The following WDR75 variants were observed in gnomAD, a reference collection of about 807,000 sequenced individuals.
The protein encoded by WDR75 is WD repeat-containing protein 75.
In WDR75, 52 loss-of-function variants were observed where a neutral mutation model predicts 106.1. The observed-to-expected ratio is 0.49, with a 90% CI of 0.39 to 0.62. WDR75 has a LOEUF of 0.62. Ranked by LOEUF, WDR75 falls within the 20% of genes least tolerant of loss-of-function variation. The pLI, the probability that WDR75 is intolerant of heterozygous loss-of-function variation, is 0.00. For synonymous variants in WDR75, 333 were observed against 335.5 expected (o/e 0.99, Z 0.08); for missense variants, 905 against 970.3 (o/e 0.93, Z 0.89).
rs150157254 is a variant in WDR75, at chr2:189,444,096, A to ATT, written c.86+2527_86+2528dup. 3.3e-5 allele frequency among the ~76,000 whole-genome samples: 5 copies of ATT among 150,238 alleles called. No individual in the cohort carries two copies. In the East Asian group the frequency reaches 5.9e-4, roughly 18 times the overall value. On this transcript the variant is annotated intron_variant, in intron 1 of 20. Coordinates refer to ENST00000314761, the MANE Select transcript of WDR75 (RefSeq NM_032168.3). ...TGGAGAACTTGGTCAAGATTTAGAGATTTTTTTTTTGTCATCTATATATAA... is the reference window on the plus strand; with the variant it reads ...TGGAGAACTTGGTCAAGATTTAGAGATTTTTTTTTTTTGTCATCTATATATAA...
chr2:189,457,095 G>A (rs998754895), intron 5 of WDR75, among the ~76,000 whole-genome samples: 1 of 152,060 alleles, frequency 6.6e-6, no homozygotes, highest in African/African-American at 2.4e-5. Flanking sequence ...ACAAAAATTA[G>A]CCAGGCGTGG....
At chr2:189,472,927 A>G (rs1260903428) in intron 18 of WDR75, among the ~76,000 whole-genome samples, 1 of 152,176 alleles carries the variant, frequency 6.6e-6, no homozygotes, top group East Asian at 1.9e-4. Flanking sequence ...GTTAAGAAAT[A>G]TCATAAGGAG....
At chr2:189,459,815 A>T (rs977791934) in intron 8 of WDR75, among the ~76,000 whole-genome samples, 4 of 152,138 alleles carry the variant, frequency 2.6e-5, no homozygotes, top group Non-Finnish European at 5.9e-5. Flanking sequence ...GTGGCATTAT[A>T]CTCATTTTAC....
rs779556823 is a variant in WDR75 at position 189,474,288 on chromosome 2, C to T, written c.2152C>T (p.Leu718=). 3.1e-6 allele frequency: 5 copies of T among 1,613,722 alleles called. No individual in the cohort carries two copies. In the Admixed American group the frequency reaches 8.3e-5, roughly 27 times the overall value. ...EKLNETLENE[L]VQLPLTENIP... is the part of the protein sequence containing the mutation. ...ACTAAACGAAACTTTAGAGAATGAG[C>T]TGGTACAACTACCCTTAACAGAAAA... is the stretch of plus-strand genomic sequence containing the variant. The change falls in exon 19 of 21, where the codon CTG becomes TTG. Residue 718 remains leucine, a synonymous_variant. Coordinates refer to ENST00000314761, the MANE Select transcript of WDR75 (RefSeq NM_032168.3).
At chr2:189,449,933 A>G in intron 2 of WDR75, 2 of 984,150 alleles carry the variant, frequency 2.0e-6, no homozygotes, top group Non-Finnish European at 2.4e-6. Flanking sequence ...TAAGCAAAGT[A>G]TTTTCCTATA....
At chr2:189,466,369 T>C in intron 12 of WDR75, 56 bp from the exon 13 acceptor site, 2 of 1,576,898 alleles carry the variant, frequency 1.3e-6, no homozygotes, top group Non-Finnish European at 1.7e-6. Flanking sequence ...CAGAAATTCT[T>C]ATATACATCA....
chr2:189,458,154 C>A (rs1175611218), intron 6 of WDR75, among the ~76,000 whole-genome samples: 1 of 152,018 alleles, frequency 6.6e-6, no homozygotes, highest in African/African-American at 2.4e-5. Context: ...AATTCCTGAC[C>A]TCAGGTGATC....
At chr2:189,459,283 T>C (rs1312788538) in intron 7 of WDR75, 53 bp from the exon 8 acceptor site, 2 of 1,351,090 alleles carry the variant, frequency 1.5e-6, no homozygotes, top group East Asian at 2.3e-5. Flanking sequence ...CATGCCATTG[T>C]TTTCCTAACT....
chr2:189,463,789 A>AT (rs768029797), intron 10 of WDR75, 36 bp downstream of exon 10: 1 of 1,613,644 alleles, frequency 6.2e-7, no homozygotes, highest in Non-Finnish European at 8.5e-7. Flanking sequence ...AATCATGAAC[A>AT]TTTTAAAGAG....
intron 1 of WDR75, among the ~76,000 whole-genome samples, chr2:189,442,559 T>C (rs1287777885): frequency 6.7e-6 from 1 of 149,920 alleles, no homozygotes; most frequent in Non-Finnish European, 1.5e-5. Context: ...CAAGCAATTC[T>C]GGTGCCTCGG....
chr2:189,443,832 G>T (rs1057289006), intron 1 of WDR75, among the ~76,000 whole-genome samples: 1 of 152,218 alleles, frequency 6.6e-6, no homozygotes, highest in Non-Finnish European at 1.5e-5. Flanking sequence ...GGCAGGAAAA[G>T]ACTCTGGAAG....
intron 13 of WDR75, among the ~76,000 whole-genome samples, chr2:189,467,074 G>A (rs1483490808): frequency 6.6e-6 from 1 of 151,930 alleles, no homozygotes; most frequent in Non-Finnish European, 1.5e-5. Flanking sequence ...CTTTAACAGT[G>A]GGGGATACAA....
chr2:189,474,440 AC>A, intron 19 of WDR75, 108 bp downstream of exon 19: 1 of 1,283,214 alleles, frequency 7.8e-7, no homozygotes, highest in Admixed American at 2.3e-5. Context: ...CAACTTTAAT[AC>A]CCAAACTAAA....
rs59209129 is a variant in WDR75 at position 189,449,919 on chromosome 2, A to T, written c.217-984A>T. 7.3e-5 allele frequency: 72 copies of T among 983,990 alleles called. No individual in the cohort carries two copies. In the African/African-American group the frequency reaches 1.2e-3, roughly 17 times the overall value. 61.0% of individuals were successfully genotyped at this position (983,990 alleles called of 1,614,324 possible). On this transcript the variant is annotated intron_variant, in intron 2 of 20. Coordinates refer to ENST00000314761, the MANE Select transcript of WDR75 (RefSeq NM_032168.3). ...AAAAATATTAAAATTCTTTGTAAAC[A>T]TTATAAGCAAAGTATTTTCCTATAA...
intron 4 of WDR75, among the ~76,000 whole-genome samples, chr2:189,454,663 A>G (rs1686696425): frequency 1.3e-5 from 2 of 151,846 alleles, no homozygotes; most frequent in African/African-American, 4.8e-5. Context: ...CTGGGACTAC[A>G]GGCGCCCACC....
At chr2:189,467,672 G>T in intron 14 of WDR75, 24 bp downstream of exon 14, 1 of 1,550,838 alleles carries the variant, frequency 6.4e-7, no homozygotes, top group Non-Finnish European at 8.7e-7. Flanking sequence ...CGGGAAGTAT[G>T]TAGTACTATT....
chr2:189,450,342 T>TTTTTG (rs1686590486), intron 2 of WDR75: 2 of 963,432 alleles, frequency 2.1e-6, no homozygotes, highest in African/African-American at 1.9e-5. Context: ...TGTGTGGGTG[T>TTTTTG]TTTTGTTTTG....
At chr2:189,450,436 C>CA (rs1686594243) in intron 2 of WDR75, 1 of 894,902 alleles carries the variant, frequency 1.1e-6, no homozygotes, top group Admixed American at 6.1e-5. Context: ...GATCTCAGCT[C>CA]ACTGCAACCT....
chr2:189,451,781 A>G, intron 3 of WDR75, 24 bp from the exon 4 acceptor site: 1 of 1,598,176 alleles, frequency 6.3e-7, no homozygotes, highest in Admixed American at 1.7e-5. Flanking sequence ...GACAGTAAAC[A>G]CTATGGTGCT....
Sources: allele counts gnomAD v4.1 joint callset (sites outside exome capture counted in the v4.1 genomes callset), GRCh38; gene constraint gnomAD v4.1.1; transcripts MANE v1.5; gene names NCBI Gene and HGNC (gene_info 2026-07-23, HGNC 2026-07-21).